MAP3K5: variants seen among roughly 807,000 people sequenced by gnomAD.
The protein encoded by MAP3K5 is ASK-1.
In MAP3K5, 56 loss-of-function variants were observed where a neutral mutation model predicts 158.7. The ratio of observed to expected loss-of-function variants is 0.35; its 90% CI spans 0.28 to 0.44. The LOEUF (loss-of-function observed/expected upper bound fraction) is 0.44. Among genes scored for constraint, MAP3K5 ranks in the 20% least tolerant of loss-of-function variants. MAP3K5 has a pLI of 1.00. For synonymous variants in MAP3K5, 579 were observed against 601.7 expected (o/e 0.96, Z 0.55); for missense variants, 1,294 against 1,674.8 (o/e 0.77, Z 3.97).
intron 23 of MAP3K5, among the ~76,000 whole-genome samples, chr6:136,591,351 G>A (rs1775378562): frequency 6.6e-6 from 1 of 152,236 alleles, no homozygotes; most frequent in Admixed American, 6.5e-5. Flanking sequence ...CCCTGCAGTG[G>A]AATAGTGTCC....
At chr6:136,596,184 A>C (rs750887495) in intron 21 of MAP3K5, among the ~76,000 whole-genome samples, 43 of 152,096 alleles carry the variant, frequency 2.8e-4, no homozygotes, top group Non-Finnish European at 1.6e-4. Flanking sequence ...AAAGAAGGGG[A>C]TGAACAGGCA....
intron 21 of MAP3K5, among the ~76,000 whole-genome samples, chr6:136,599,739 T>C (rs1279101858): frequency 2.6e-5 from 4 of 152,088 alleles, no homozygotes; most frequent in African/African-American, 9.7e-5. Flanking sequence ...ACAGAAGAAA[T>C]ATGCATGTCC....
intron 23 of MAP3K5, among the ~76,000 whole-genome samples, chr6:136,586,081 G>A (rs1375725882): frequency 2.6e-5 from 4 of 152,108 alleles, no homozygotes; most frequent in Non-Finnish European, 5.9e-5. Context: ...GTTTTCATGA[G>A]ATAAGATTAT....
intron 7 of MAP3K5, among the ~76,000 whole-genome samples, chr6:136,671,968 T>C (rs1342964850): frequency 6.6e-6 from 1 of 152,100 alleles, no homozygotes; most frequent in African/African-American, 2.4e-5. Context: ...TCTTAACAAT[T>C]ATACATTTAC....
chr6:136,621,789 T>C (rs1346169118), intron 15 of MAP3K5, among the ~76,000 whole-genome samples: 1 of 152,184 alleles, frequency 6.6e-6, no homozygotes, highest in African/African-American at 2.4e-5. Context: ...TTCAGCGTAT[T>C]TAAAAATGGT....
At position 136,657,826 on chromosome 6, in the gene MAP3K5, A is replaced by G. The variant is rs78142514; in HGVS notation, c.1527-1366T>C. Among the ~76,000 whole-genome samples, 303 of 152,366 alleles carry G rather than the reference A, an allele frequency of 2.0e-3. 7 individuals carry two copies. The East Asian group carries it at 0.047, about 24-fold the overall frequency. On this transcript the variant is annotated intron_variant, in intron 9 of 29. Coordinates refer to ENST00000359015, the MANE Select transcript of MAP3K5 (RefSeq NM_005923.4). ...TCAGCACGTGCTCAGACACTCATGCATGAAACCAGCAGTGTGGTATGAAGA... is the reference window on the plus strand; with the variant it reads ...TCAGCACGTGCTCAGACACTCATGCGTGAAACCAGCAGTGTGGTATGAAGA...
At chr6:136,579,809 T>TAA (rs201558467) in intron 25 of MAP3K5, 5 of 452,122 alleles carry the variant, frequency 1.1e-5, no homozygotes, top group African/African-American at 2.0e-5. Flanking sequence ...GACTAGTCTT[T>TAA]AAAAAAAAAT....
chr6:136,621,741 G>C (rs956717043), intron 15 of MAP3K5, among the ~76,000 whole-genome samples: 1 of 152,290 alleles, frequency 6.6e-6, no homozygotes. Flanking sequence ...CGGTAAAATA[G>C]AGTCTCTTGT....
chr6:136,783,134 T>A (rs1334082377), intron 1 of MAP3K5, among the ~76,000 whole-genome samples: 1 of 152,088 alleles, frequency 6.6e-6, no homozygotes, highest in East Asian at 1.9e-4. Flanking sequence ...TAAAACCCCA[T>A]CTCTACATAA....
chr6:136,740,210 T>C (rs1241134756), intron 1 of MAP3K5, among the ~76,000 whole-genome samples: 2 of 152,234 alleles, frequency 1.3e-5, no homozygotes, highest in Non-Finnish European at 2.9e-5. Flanking sequence ...TTTTCGTCTT[T>C]TCTTTGGTCA....
chr6:136,664,874 T>A (rs1439383887), intron 8 of MAP3K5, among the ~76,000 whole-genome samples: 1 of 152,178 alleles, frequency 6.6e-6, no homozygotes, highest in Admixed American at 6.6e-5. Context: ...GAGGTTGCAG[T>A]GAGCCAAGAT....
chr6:136,700,182 C>CAATCAAAATGCACA (rs1780788065), intron 3 of MAP3K5, among the ~76,000 whole-genome samples: 6 of 152,184 alleles, frequency 3.9e-5, no homozygotes, highest in Admixed American at 3.9e-4. Context: ...TCACAATGCA[C>CAATCAAAATGCACA]AATCAAAATG....
chr6:136,744,640 A>G (rs933094419), intron 1 of MAP3K5, among the ~76,000 whole-genome samples: 3 of 151,754 alleles, frequency 2.0e-5, no homozygotes, highest in Admixed American at 2.0e-4. Context: ...CACCTTGCAC[A>G]CCCCTCACCA....
At chr6:136,698,099 C>A (rs1008129070) in intron 4 of MAP3K5, among the ~76,000 whole-genome samples, 1 of 152,164 alleles carries the variant, frequency 6.6e-6, no homozygotes, top group African/African-American at 2.4e-5. Context: ...CTCAGCCTAT[C>A]ATTTATTAAC....
At chr6:136,562,440 C>A in intron 27 of MAP3K5, 63 bp downstream of exon 27, 1 of 769,834 alleles carries the variant, frequency 1.3e-6, no homozygotes, top group Non-Finnish European at 2.0e-6. Flanking sequence ...TTCCTGTTGG[C>A]TTTCTTGGCT....
rs765220631 is a variant in MAP3K5 at position 136,697,357 on chromosome 6, G to A, written c.837C>T (p.Asp279=). The A allele has an allele frequency of 6.2e-7, 1 of 1,612,942 alleles. No homozygotes were observed. The highest frequency in any genetic ancestry group is 1.1e-5 in the South Asian group (1 of 90,944). The change falls in exon 5 of 30, where the codon GAC becomes GAT. Residue 279 remains aspartate, a synonymous_variant. Coordinates refer to ENST00000359015, the MANE Select transcript of MAP3K5 (RefSeq NM_005923.4). Reference sequence around the variant, plus strand: ...TGTATAAATTACGAGCTTTCCTGATGTCATTGAGTATAGATTCCCGGAAGT... The same window carrying A: ...TGTATAAATTACGAGCTTTCCTGATATCATTGAGTATAGATTCCCGGAAGT... The part of the protein sequence containing the change: ...SQYFRESILN[D]IRKARNLYTG...
intron 25 of MAP3K5, among the ~76,000 whole-genome samples, chr6:136,568,114 A>C (rs569302663): frequency 3.3e-5 from 5 of 152,340 alleles, no homozygotes; most frequent in Non-Finnish European, 7.3e-5. Flanking sequence ...AAACAGAATG[A>C]TTTAATTCAA....
intron 13 of MAP3K5, among the ~76,000 whole-genome samples, chr6:136,638,146 T>TTGCG (rs1410459071): frequency 2.6e-5 from 4 of 152,106 alleles, no homozygotes; most frequent in Admixed American, 2.6e-4. Context: ...GAATAACAGT[T>TTGCG]TGCGCTATTA....
chr6:136,586,624 C>T (rs1775153368), intron 23 of MAP3K5, among the ~76,000 whole-genome samples: 1 of 152,156 alleles, frequency 6.6e-6, no homozygotes, highest in Non-Finnish European at 1.5e-5. Context: ...ACTCCTAGTA[C>T]CAGGTTGTGA....
Sources: allele counts gnomAD v4.1 joint callset (sites outside exome capture counted in the v4.1 genomes callset), GRCh38; gene constraint gnomAD v4.1.1; transcripts MANE v1.5; gene names NCBI Gene and HGNC (gene_info 2026-07-23, HGNC 2026-07-21).